The following AUNIP variants were observed in gnomAD, a reference collection of about 807,000 sequenced individuals.
AUNIP encodes the protein aurora kinase A- and ninein-interacting protein.
AUNIP carries 16 observed loss-of-function variants against 12.2 expected under a neutral mutation model. That is an observed-to-expected ratio of 1.31 (90% confidence interval 0.88 to 1.99). AUNIP has a LOEUF of 1.99. Among genes scored for constraint, AUNIP ranks in the 30% most tolerant of loss-of-function variants. The pLI is 0.00. For missense variants in AUNIP, 411 were observed against 419.1 expected (o/e 0.98, Z 0.17); for synonymous variants, 142 against 154.8 (o/e 0.92, Z 0.61).
chr1:25,853,895 T>C (rs1032839308), intron 1 of AUNIP, among the ~76,000 whole-genome samples: 3 of 152,074 alleles, frequency 2.0e-5, no homozygotes, highest in African/African-American at 7.2e-5. Flanking sequence ...TCACACACCA[T>C]CAGTTCCCGC....
intron 1 of AUNIP, among the ~76,000 whole-genome samples, chr1:25,858,706 T>C (rs1447478996): frequency 1.3e-5 from 2 of 152,162 alleles, no homozygotes; most frequent in Non-Finnish European, 2.9e-5. Context: ...ACGACACATA[T>C]AACGCATATT....
chr1:25,850,713 A>C (rs1472324343), intron 1 of AUNIP, among the ~76,000 whole-genome samples: 1 of 152,172 alleles, frequency 6.6e-6, no homozygotes, highest in Non-Finnish European at 1.5e-5. Flanking sequence ...TTTTTTGGAT[A>C]AAATCCTACC....
chr1:25,857,881 T>C (rs193144284), intron 1 of AUNIP, among the ~76,000 whole-genome samples: 2 of 147,828 alleles, frequency 1.4e-5, no homozygotes, highest in Admixed American at 6.7e-5. Context: ...ACAATAATAA[T>C]AATATGCCGG....
intron 1 of AUNIP, among the ~76,000 whole-genome samples, chr1:25,845,516 A>G (rs945872804): frequency 1.3e-5 from 2 of 152,182 alleles, no homozygotes; most frequent in African/African-American, 2.4e-5. Context: ...TCTTCAGCTT[A>G]CCACCAAGCA....
intron 1 of AUNIP, among the ~76,000 whole-genome samples, chr1:25,853,849 A>G (rs530991918): frequency 1.3e-5 from 2 of 152,182 alleles, no homozygotes; most frequent in African/African-American, 4.8e-5. Context: ...CAATCAAAAG[A>G]GGTCACAAAG....
In AUNIP at chr1:25,859,351, G is replaced by A. The variant is rs776512841; in HGVS notation, c.7C>T (p.Arg3Trp). Residue 3 changes from arginine (R) to tryptophan (W), a missense_variant, in exon 1 of 3, where the codon CGG becomes TGG. Arg to Trp is a moderately radical substitution (Grantham distance 101). Transcript: ENST00000374298. ...CAGGCCTCCTCCTCGGGGCCTGTCC[G>A]CCTCATGGCCGCTGAGGAGACGAAG... The part of the protein sequence containing the change: MR[R>W]TGPEEEACGV... The A allele has an allele frequency of 5.2e-6, 8 of 1,539,056 alleles. No individual in the cohort carries two copies. Among genetic ancestry groups the A allele is most frequent in the Non-Finnish European group, 7.0e-6 (8 of 1,145,746 alleles).
chr1:25,848,210 T>C (rs1380130607), intron 1 of AUNIP, among the ~76,000 whole-genome samples: 3 of 152,112 alleles, frequency 2.0e-5, no homozygotes, highest in East Asian at 1.9e-4. Flanking sequence ...CTCCAGGGAA[T>C]AGTCTACACT....
At chr1:25,833,485 T>A (rs1484830838), downstream of AUNIP, among the ~76,000 whole-genome samples, 3 of 152,054 alleles carry the variant, frequency 2.0e-5, no homozygotes, top group African/African-American at 7.3e-5. Context: ...AAAAGTAGAA[T>A]TTAACATTTA....
intron 1 of AUNIP, among the ~76,000 whole-genome samples, chr1:25,856,372 A>AC (rs1239299255): frequency 1.2e-4 from 18 of 151,610 alleles, no homozygotes; most frequent in Admixed American, 9.2e-4. Flanking sequence ...TCAAAAAAAA[A>AC]AAAACAAAAC....
At chr1:25,840,141 T>C (rs1572261326) in intron 1 of AUNIP, among the ~76,000 whole-genome samples, 1 of 151,820 alleles carries the variant, frequency 6.6e-6, no homozygotes, top group African/African-American at 2.4e-5. Flanking sequence ...AGCAGACAAG[T>C]TAACAGTTAA....
At chr1:25,833,575 A>G (rs1333834124), downstream of AUNIP, among the ~76,000 whole-genome samples, 1 of 151,822 alleles carries the variant, frequency 6.6e-6, no homozygotes, top group African/African-American at 2.4e-5. Context: ...ACAAAGCAAG[A>G]CCTCATCTCT....
In AUNIP at chr1:25,835,502, C is replaced by T. The variant is rs893365097; in HGVS notation, c.565G>A (p.Glu189Lys). 1.2e-6 allele frequency: 2 copies of T among 1,614,094 alleles called. No homozygotes were observed. The highest frequency in any genetic ancestry group is 1.3e-5 in the African/African-American group (1 of 74,924). Residue 189 changes from glutamate to lysine, a missense_variant, in exon 3 of 3, where the codon GAA (glutamate) becomes AAA (lysine). Physicochemically the swap from Glu to Lys is moderately conservative, Grantham distance 56. Coordinates refer to ENST00000374298, the MANE Select transcript of AUNIP (RefSeq NM_024037.3). ...TTCCTGGCAGAATCCCCTTTTTCTT[C>T]CTTTCGGTCTAGCAAACAAGAACTT... Reference protein sequence around the residue: ...LESSCLLDRKEEKGDSARKWE... With the variant: ...LESSCLLDRKKEKGDSARKWE...
rs769525747 is a variant in AUNIP, at chr1:25,843,594, GAAAAAAAAAA to G, written c.79-6050_79-6041del. On this transcript the variant is annotated intron_variant, in intron 1 of 2. Transcript: ENST00000374298. ...CAAAATAGTGAGCTCCTGTCTGTTTGAAAAAAAAAAAAAAAAAAAAAAAAAAAAAGGGATT... is the reference window on the plus strand; with the variant it reads ...CAAAATAGTGAGCTCCTGTCTGTTTGAAAAAAAAAAAAAAAAAAAGGGATT... Among the ~76,000 whole-genome samples the G allele has an allele frequency of 9.8e-3, 312 of 31,890 alleles. 3 individuals are homozygous for G. Among genetic ancestry groups the G allele is most frequent in the Middle Eastern group, 0.042 (2 of 48 alleles). 20.9% of individuals were successfully genotyped at this position (31,890 alleles called of 152,430 possible).
At chr1:25,855,522 A>G (rs1270069439) in intron 1 of AUNIP, among the ~76,000 whole-genome samples, 3 of 152,198 alleles carry the variant, frequency 2.0e-5, no homozygotes, top group Non-Finnish European at 4.4e-5. Flanking sequence ...AAGCAAATCT[A>G]GTATACATAC....
chr1:25,858,668 C>T (rs1214373408), intron 1 of AUNIP, among the ~76,000 whole-genome samples: 3 of 152,162 alleles, frequency 2.0e-5, no homozygotes, highest in African/African-American at 7.2e-5. Context: ...GTTACTGAAC[C>T]TCAGTTTCCT....
At chr1:25,848,269 G>A (rs2048398295) in intron 1 of AUNIP, among the ~76,000 whole-genome samples, 1 of 151,998 alleles carries the variant, frequency 6.6e-6, no homozygotes, top group African/African-American at 2.4e-5. Context: ...TTGGCCAGGT[G>A]CGGTGGCTCG....
Position 25,853,300 on chromosome 1 carries a change from A to G in AUNIP, c.78+5980T>C, listed in dbSNP as rs182716257. On this transcript the variant is annotated intron_variant, in intron 1 of 2. Coordinates refer to ENST00000374298, the MANE Select transcript of AUNIP (RefSeq NM_024037.3). ...GAATTACCACAAAACTTAGAAGCTT[A>G]AAACAATAAACATTCGGCCGGCGTG... Among the ~76,000 whole-genome samples the G allele has an allele frequency of 2.0e-4, 30 of 152,328 alleles. No individual in the cohort carries two copies. The East Asian group carries it at 4.6e-3, about 23-fold the overall frequency.
At chr1:25,838,748 T>C (rs2048323242) in intron 1 of AUNIP, among the ~76,000 whole-genome samples, 2 of 152,218 alleles carry the variant, frequency 1.3e-5, no homozygotes, top group South Asian at 4.1e-4. Flanking sequence ...ACCTCATCCT[T>C]ATTTAATGTG....
rs150934446 is a variant in AUNIP, at chr1:25,843,518, A to G, written c.79-5964T>C. On this transcript the variant is annotated intron_variant, in intron 1 of 2. Coordinates refer to ENST00000374298, the MANE Select transcript of AUNIP (RefSeq NM_024037.3). ...TGCCTTATAATCTCAGTTACTCAGG[A>G]GACTGAGACTAAAGGATCACTTAAG... Among the ~76,000 whole-genome samples the G allele has an allele frequency of 1.7e-4, 25 of 144,258 alleles. No homozygotes were observed. The East Asian group carries it at 4.8e-3, about 28-fold the overall frequency. The allele number at this position is 144,258 out of a possible 152,430, so 94.6% of individuals were successfully genotyped here. A position where few individuals can be genotyped will look rare whatever the true frequency, so the allele number is the denominator to read the frequency against.
Sources: allele counts gnomAD v4.1 joint callset (sites outside exome capture counted in the v4.1 genomes callset), GRCh38; gene constraint gnomAD v4.1.1; transcripts MANE v1.5; gene names NCBI Gene and HGNC (gene_info 2026-07-23, HGNC 2026-07-21).